Variants in ARID1B observed in about 807,000 individuals in gnomAD.
ARID1B encodes the protein AT-rich interaction domain 1B.
Under a neutral mutation model 212.3 loss-of-function variants are expected in ARID1B, and 30 were observed. That is an observed-to-expected ratio of 0.14 (90% confidence interval 0.11 to 0.19). ARID1B has a LOEUF of 0.19. Ranked by LOEUF, ARID1B falls within the 10% of genes least tolerant of loss-of-function variation. The probability of loss-of-function intolerance (pLI) is 1.00; values close to 1 mark genes in which losing one functional copy is unlikely to be tolerated. For synonymous variants in ARID1B, 1,402 were observed against 1,301.7 expected (o/e 1.08, Z -1.66); for missense variants, 2,891 against 3,204.0 (o/e 0.90, Z 2.36).
intron 4 of ARID1B, among the ~76,000 whole-genome samples, chr6:156,959,658 CTG>C (rs1263729769): frequency 1.3e-5 from 2 of 152,130 alleles, no homozygotes; most frequent in African/African-American, 4.8e-5. Context: ...TCTTCAGAAA[CTG>C]TGACTGTGTA....
chr6:156,873,870 C>T (rs548951188), intron 2 of ARID1B, among the ~76,000 whole-genome samples: 1 of 152,160 alleles, frequency 6.6e-6, no homozygotes, highest in African/African-American at 2.4e-5. Context: ...CTCTCAGCTG[C>T]GGGCCAGCCT....
chr6:156,977,630 G>A (rs1224972235), intron 4 of ARID1B, among the ~76,000 whole-genome samples: 2 of 152,016 alleles, frequency 1.3e-5, no homozygotes, highest in Non-Finnish European at 2.9e-5. Flanking sequence ...TGTCTTTGTT[G>A]TTCTGTGTAC....
At position 156,888,905 on chromosome 6, in the gene ARID1B, ATACT is replaced by A. The variant is rs541065187; in HGVS notation, c.1987-12468_1987-12465del. Among the ~76,000 whole-genome samples the A allele has an allele frequency of 4.3e-4, 65 of 152,300 alleles. 1 individual carries two copies. The highest frequency in any genetic ancestry group is 1.5e-3 in the African/African-American group (61 of 41,552). On this transcript the variant is annotated intron_variant, in intron 2 of 19. Coordinates refer to ENST00000636930, the MANE Select transcript of ARID1B (RefSeq NM_001374828.1). ...AATGACTGTATATTTGGTATGGAAAATACTTATTTTTTAATTTTGTTTTAAATGC... is the reference window on the plus strand; with the variant it reads ...AATGACTGTATATTTGGTATGGAAAATATTTTTTAATTTTGTTTTAAATGC...
intron 4 of ARID1B, among the ~76,000 whole-genome samples, chr6:157,005,070 G>T (rs56352523): frequency 1.3e-5 from 2 of 151,766 alleles, no homozygotes; most frequent in African/African-American, 2.4e-5. Context: ...GCACCACCAC[G>T]CCTGGCTAAT....
intron 2 of ARID1B, among the ~76,000 whole-genome samples, chr6:156,894,436 A>G (rs1187143049): frequency 6.6e-6 from 1 of 152,214 alleles, no homozygotes; most frequent in Non-Finnish European, 1.5e-5. Flanking sequence ...CTTATGCATC[A>G]TTGAACTGTA....
Position 156,779,456 on chromosome 6 carries a change from C to G in ARID1B, c.1776C>G (p.Thr592=), listed in dbSNP as rs1163184862. 9.1e-6 allele frequency: 13 copies of G among 1,430,260 alleles called. No individual in the cohort carries two copies. Among genetic ancestry groups the G allele is most frequent in the Non-Finnish European group, 1.2e-5 (13 of 1,086,146 alleles). The allele number at this position is 1,430,260 out of a possible 1,614,324, so 88.6% of individuals were successfully genotyped here. The change falls in exon 1 of 20, where the codon ACC becomes ACG. Residue 592 remains threonine (T), a synonymous_variant. Transcript: ENST00000636930. ...PAMSPGTPGP[T]MGRSQGSPMD... is the part of the protein sequence containing the mutation. The stretch of plus-strand genomic sequence containing the variant: ...TGAGCCCCGGCACCCCCGGACCGAC[C>G]ATGGGCAGATCCCAGGTAACCCTCG...
At chr6:157,121,647 T>TTTTTTTTA (rs60109940) in intron 6 of ARID1B, among the ~76,000 whole-genome samples, 1 of 149,352 alleles carries the variant, frequency 6.7e-6, no homozygotes, top group Admixed American at 6.7e-5. Flanking sequence ...TTTTTTTTTT[T>TTTTTTTTA]GCTGAGACGG....
In ARID1B at chr6:156,803,633, C is replaced by CT. The variant is rs1384160323; in HGVS notation, c.1791+24176dup. ...TCTTGCTTTCATTTTATCTTTTTCT[C>CT]TTTTTTTTTTTTTTAAATTCCTTTT... On this transcript the variant is annotated intron_variant, in intron 1 of 19. Transcript: ENST00000636930. Among the ~76,000 whole-genome samples the CT allele has an allele frequency of 4.5e-3, 625 of 139,188 alleles. 2 individuals are homozygous for CT. The highest frequency in any genetic ancestry group is 6.5e-3 in the African/African-American group (250 of 38,200). The allele number at this position is 139,188 out of a possible 152,430, so 91.3% of individuals were successfully genotyped here. A position where few individuals can be genotyped will look rare whatever the true frequency, so the allele number is the denominator to read the frequency against.
chr6:156,824,050 C>G (rs1168605611), intron 1 of ARID1B, among the ~76,000 whole-genome samples: 1 of 152,112 alleles, frequency 6.6e-6, no homozygotes, highest in Non-Finnish European at 1.5e-5. Flanking sequence ...ACCCAATATG[C>G]TTAGAAGAAT....
intron 4 of ARID1B, among the ~76,000 whole-genome samples, chr6:157,024,907 GTGA>G (rs1780564622): frequency 6.6e-6 from 1 of 152,236 alleles, no homozygotes; most frequent in Non-Finnish European, 1.5e-5. Context: ...AAAAGGTATA[GTGA>G]TGATGTGTTA....
chr6:156,873,694 TTTGCAGATTCTCCTTCAC>T (rs1786321851), intron 2 of ARID1B, among the ~76,000 whole-genome samples: 1 of 152,246 alleles, frequency 6.6e-6, no homozygotes, highest in Non-Finnish European at 1.5e-5. Flanking sequence ...ACCTGTGTGC[TTTGCAGATTCTCCTTCAC>T]TTACGTGGGT....
intron 15 of ARID1B, among the ~76,000 whole-genome samples, chr6:157,191,199 G>T (rs774601890): frequency 5.0e-4 from 76 of 152,178 alleles, no homozygotes; most frequent in Middle Eastern, 3.4e-3. Context: ...TGAGAGTCTA[G>T]GGGGAGCTGG....
At chr6:156,890,338 T>C (rs1243766074) in intron 2 of ARID1B, among the ~76,000 whole-genome samples, 11 of 152,244 alleles carry the variant, frequency 7.2e-5, no homozygotes, top group African/African-American at 1.9e-4. Flanking sequence ...TATAATCTTA[T>C]ATCGTGTGTA....
intron 6 of ARID1B, among the ~76,000 whole-genome samples, chr6:157,120,264 A>G (rs1018650993): frequency 1.3e-5 from 2 of 151,946 alleles, no homozygotes; most frequent in Non-Finnish European, 2.9e-5. Flanking sequence ...CCCTCCCCGG[A>G]CTCTCATTTG....
chr6:156,957,931 T>C lies in ARID1B; in HGVS notation c.2247+22355T>C, dbSNP rs183693085. On this transcript the variant is annotated intron_variant, in intron 4 of 19. Coordinates refer to ENST00000636930, the MANE Select transcript of ARID1B (RefSeq NM_001374828.1). ...CTGTATTCTGCTAGGGAATCTGTTA[T>C]GTGGTGTAGCCTTCCTCTTAGACTT... Among the ~76,000 whole-genome samples the C allele has an allele frequency of 3.6e-3, 552 of 152,352 alleles. 4 individuals carry two copies. The highest frequency in any genetic ancestry group is 0.014 in the Middle Eastern group (4 of 294).
At chr6:157,109,372 C>T (rs1257115966) in intron 5 of ARID1B, among the ~76,000 whole-genome samples, 3 of 152,096 alleles carry the variant, frequency 2.0e-5, no homozygotes, top group Admixed American at 1.3e-4. Context: ...TAGCCTGATC[C>T]AGCCGGGGTC....
intron 4 of ARID1B, among the ~76,000 whole-genome samples, chr6:157,013,159 G>A (rs1172489885): frequency 1.3e-5 from 2 of 152,240 alleles, no homozygotes; most frequent in East Asian, 1.9e-4. Flanking sequence ...GATTACAGGC[G>A]TGAGCCACGG....
chr6:157,069,186 G>A (rs944651327), intron 4 of ARID1B, among the ~76,000 whole-genome samples: 2 of 152,042 alleles, frequency 1.3e-5, no homozygotes, highest in Non-Finnish European at 2.9e-5. Flanking sequence ...AATTGATGAT[G>A]TCTAGTTTGG....
chr6:156,908,525 A>G (rs1048702531), intron 3 of ARID1B, among the ~76,000 whole-genome samples: 27 of 152,198 alleles, frequency 1.8e-4, no homozygotes, highest in Middle Eastern at 6.8e-3. Context: ...CACCTTGATT[A>G]CGTCTTGCTT....
Sources: gnomAD v4.1 joint callset for allele counts (sites outside exome capture counted in the v4.1 genomes callset) on GRCh38, gnomAD v4.1.1 for gene constraint, MANE v1.5 for transcripts, NCBI Gene and HGNC (gene_info 2026-07-23, HGNC 2026-07-21) for gene names.